Variants in PARD3B observed in about 807,000 individuals in gnomAD.
The protein encoded by PARD3B is par-3 family cell polarity regulator beta, also known as partitioning defective 3 homolog B.
PARD3B carries 103 observed loss-of-function variants against 130.2 expected under a neutral mutation model. The ratio of observed to expected loss-of-function variants is 0.79; its 90% confidence interval spans 0.67 to 0.93. PARD3B has a LOEUF of 0.93. PARD3B is among the 40% of genes least tolerant of loss of function. The pLI is 0.00. For missense variants in PARD3B, 1,609 were observed against 1,499.2 expected, an observed-to-expected ratio of 1.07 and a Z score of -1.21; for synonymous variants, 583 against 553.2, an observed-to-expected ratio of 1.05 and a Z score of -0.76.
intron 1 of PARD3B, among the ~76,000 whole-genome samples, chr2:204,639,047 A>G (rs1303060838): frequency 2.0e-5 from 3 of 152,164 alleles, no homozygotes; most frequent in Admixed American, 6.6e-5. Context: ...CTCACTGACA[A>G]GTTGGTACCT....
At chr2:205,598,328 A>T (rs1015789210) in intron 22 of PARD3B, among the ~76,000 whole-genome samples, 1 of 152,166 alleles carries the variant, frequency 6.6e-6, no homozygotes, top group African/African-American at 2.4e-5. Flanking sequence ...TCTATCAGAT[A>T]AAACAGACTT....
chr2:205,202,190 T>C (rs1042916064), intron 15 of PARD3B, among the ~76,000 whole-genome samples: 1 of 152,198 alleles, frequency 6.6e-6, no homozygotes, highest in East Asian at 1.9e-4. Flanking sequence ...CTATTAGTAG[T>C]AGTAACTGAA....
Position 205,176,725 on chromosome 2 carries a change from T to C in PARD3B, c.1924+148T>C, listed in dbSNP as rs1161272358. On this transcript the variant is annotated intron_variant, in intron 13 of 22. Transcript: ENST00000406610. This position sits in a 1 kb window ranked among gnomAD's most constrained non-coding sequence, Gnocchi z 5.3. ...TCGGAGTCACAAACACTGAGAGAGT[T>C]GGGGGAGAGCTGACTCAGAACTTGT... is the stretch of plus-strand genomic sequence containing the variant. 6.7e-6 allele frequency: 6 copies of C among 897,058 alleles called. No individual in the cohort carries two copies. The highest frequency in any genetic ancestry group is 3.6e-5 in the Admixed American group (1 of 27,612). The allele number at this position is 897,058 out of a possible 1,614,324, so 55.6% of individuals were successfully genotyped here.
chr2:204,549,429 G>T (rs1182504368), intron 1 of PARD3B, among the ~76,000 whole-genome samples: 1 of 152,130 alleles, frequency 6.6e-6, no homozygotes, highest in Non-Finnish European at 1.5e-5. Context: ...TGTGTCACAG[G>T]TGAATGGGTA....
chr2:205,519,287 T>G (rs753192017), intron 21 of PARD3B, among the ~76,000 whole-genome samples: 1 of 152,246 alleles, frequency 6.6e-6, no homozygotes, highest in Non-Finnish European at 1.5e-5. Flanking sequence ...AAATTGTTTT[T>G]TCTCTACTTT....
chr2:204,883,455 A>ATATATATATATTTTTTTT (rs1377428928), intron 2 of PARD3B, among the ~76,000 whole-genome samples: 15 of 77,262 alleles, frequency 1.9e-4, no homozygotes, highest in African/African-American at 6.1e-4. Context: ...ATATATATAT[A>ATATATATATATTTTTTTT]TTTTTTTTTT....
intron 1 of PARD3B, among the ~76,000 whole-genome samples, chr2:204,604,172 AT>A (rs2033620351): frequency 6.6e-6 from 1 of 152,146 alleles, no homozygotes; most frequent in Non-Finnish European, 1.5e-5. Context: ...TACTTCTCTT[AT>A]AGGAAATAAA....
intron 20 of PARD3B, among the ~76,000 whole-genome samples, chr2:205,456,051 T>A (rs1274167550): frequency 6.6e-6 from 1 of 152,138 alleles, no homozygotes; most frequent in African/African-American, 2.4e-5. Flanking sequence ...TGGGGTAGCA[T>A]GTGACCTTTT....
In PARD3B at chr2:205,158,557, C is replaced by A. The variant is rs983956500; in HGVS notation, c.1435-165C>A. The stretch of plus-strand genomic sequence containing the variant: ...TGCTCCATGGATGTGACTGTGGCTC[C>A]TTGTGGAGAGCTAAACCCAGCCTTT... On this transcript the variant is annotated intron_variant, in intron 10 of 22. Coordinates refer to ENST00000406610, the MANE Select transcript of PARD3B (RefSeq NM_001302769.2). This position sits in a 1 kb window ranked among gnomAD's most constrained non-coding sequence, Gnocchi z 5.4. Among the ~76,000 whole-genome samples the A allele has an allele frequency of 2.0e-5, 3 of 152,170 alleles. No homozygotes were observed. Among genetic ancestry groups the A allele is most frequent in the African/African-American group, 7.2e-5 (3 of 41,450 alleles).
At chr2:205,025,056 G>T (rs372572278) in intron 3 of PARD3B, among the ~76,000 whole-genome samples, 53 of 152,098 alleles carry the variant, frequency 3.5e-4, no homozygotes, top group Non-Finnish European at 6.2e-4. Context: ...TTAACTAGCG[G>T]CACTAAAAAG....
At chr2:204,697,282 T>A (rs1323151802) in intron 2 of PARD3B, among the ~76,000 whole-genome samples, 1 of 152,052 alleles carries the variant, frequency 6.6e-6, no homozygotes, top group African/African-American at 2.4e-5. Context: ...GAAATGGAAG[T>A]ACCTAGTGTT....
chr2:205,280,621 T>C lies in PARD3B; in HGVS notation c.2186-19909T>C, dbSNP rs1046649374. Among the ~76,000 whole-genome samples the C allele has an allele frequency of 3.3e-5, 5 of 152,236 alleles. 1 individual carries two copies. Among genetic ancestry groups the C allele is most frequent in the Admixed American group, 3.3e-4 (5 of 15,284 alleles). On this transcript the variant is annotated intron_variant, in intron 16 of 22. Coordinates refer to ENST00000406610, the MANE Select transcript of PARD3B (RefSeq NM_001302769.2). The surrounding 1 kb of genome is among the most constrained non-coding windows in gnomAD (Gnocchi z 4.7). The stretch of plus-strand genomic sequence containing the variant: ...TATCTGTTGTCTCCCCAGATCAAGC[T>C]GTGTTTGTCTTATTTGTACATTTAT...
chr2:205,148,558 T>C (rs1378720956), intron 10 of PARD3B, among the ~76,000 whole-genome samples: 1 of 152,198 alleles, frequency 6.6e-6, no homozygotes, highest in Non-Finnish European at 1.5e-5. Context: ...CTTGCAGGTG[T>C]CTTATCCTTT....
intron 4 of PARD3B, among the ~76,000 whole-genome samples, chr2:205,072,174 C>T (rs1700775498): frequency 6.6e-6 from 1 of 151,510 alleles, no homozygotes; most frequent in Non-Finnish European, 1.5e-5. Context: ...AAAAATTCCA[C>T]ATTAAAAGAC....
chr2:204,864,694 C>A (rs1301789950), intron 2 of PARD3B, among the ~76,000 whole-genome samples: 1 of 152,142 alleles, frequency 6.6e-6, no homozygotes, highest in South Asian at 2.1e-4. Flanking sequence ...GGCTTAAGGT[C>A]TATCTCCCAC....
intron 1 of PARD3B, among the ~76,000 whole-genome samples, chr2:204,614,265 C>G (rs1193321400): frequency 6.6e-6 from 1 of 152,034 alleles, no homozygotes; most frequent in African/African-American, 2.4e-5. Context: ...CCCAATAAAT[C>G]CAAAATATTT....
At chr2:204,584,778 A>T (rs1400491661) in intron 1 of PARD3B, among the ~76,000 whole-genome samples, 3 of 152,202 alleles carry the variant, frequency 2.0e-5, no homozygotes, top group African/African-American at 7.2e-5. Context: ...TGGAGACCGG[A>T]TTGAATAAAG....
chr2:205,267,783 A>G (rs903486680), intron 16 of PARD3B, among the ~76,000 whole-genome samples: 1 of 152,194 alleles, frequency 6.6e-6, no homozygotes, highest in Admixed American at 6.6e-5. Context: ...ACAAATAGTA[A>G]TAGTCAATAA....
intron 15 of PARD3B, among the ~76,000 whole-genome samples, chr2:205,212,883 A>C (rs10490300): frequency 6.6e-6 from 1 of 152,156 alleles, no homozygotes; most frequent in Non-Finnish European, 1.5e-5. Context: ...AAAGAGGAAA[A>C]GCATTAGTAG....
Sources: allele counts gnomAD v4.1 joint callset (sites outside exome capture counted in the v4.1 genomes callset), GRCh38; gene constraint gnomAD v4.1.1; non-coding constraint Gnocchi (gnomAD v3.1); transcripts MANE v1.5; gene names NCBI Gene and HGNC (gene_info 2026-07-23, HGNC 2026-07-21).